KANK1: variants seen among roughly 807,000 people sequenced by gnomAD.
KANK1 encodes KN motif and ankyrin repeat domains 1, also known as KN motif and ankyrin repeat domain-containing protein 1.
A neutral mutation model predicts 106.2 loss-of-function variants in KANK1; 109 were observed. The observed-to-expected ratio is 1.03, with a 90% CI of 0.88 to 1.20. KANK1 has a LOEUF of 1.20. Ranked by LOEUF, KANK1 falls within the 50% of genes most tolerant of loss-of-function variation. KANK1 has a pLI of 0.00. For synonymous variants in KANK1, 873 were observed against 652.2 expected (o/e 1.34, Z -5.16); for missense variants, 2,399 against 1,710.7 (o/e 1.40, Z -7.10).
At chr9:653,237 G>A (rs998384604) in intron 1 of KANK1, among the ~76,000 whole-genome samples, 2 of 152,110 alleles carry the variant, frequency 1.3e-5, no homozygotes, top group East Asian at 1.9e-4. Flanking sequence ...GAGCATTTAA[G>A]TAACGTTCCC....
chr9:653,412 A>C (rs1280331345), intron 1 of KANK1, among the ~76,000 whole-genome samples: 2 of 152,094 alleles, frequency 1.3e-5, no homozygotes, highest in Non-Finnish European at 2.9e-5. Context: ...GTTTCCAGGT[A>C]AGAGAATTTT....
intron 1 of KANK1, among the ~76,000 whole-genome samples, chr9:656,222 G>T (rs981495274): frequency 1.3e-5 from 2 of 152,106 alleles, no homozygotes; most frequent in African/African-American, 4.8e-5. Context: ...GCCTTTCCCA[G>T]CGTGGTGGAG....
chr9:657,451 C>A (rs892427912), intron 1 of KANK1, among the ~76,000 whole-genome samples: 4 of 152,122 alleles, frequency 2.6e-5, no homozygotes, highest in African/African-American at 9.7e-5. Flanking sequence ...AACCTCTATA[C>A]TGTTTTCTGT....
chr9:651,918 A>G (rs1488569158), intron 1 of KANK1, among the ~76,000 whole-genome samples: 1 of 152,240 alleles, frequency 6.6e-6, no homozygotes, highest in African/African-American at 2.4e-5. Flanking sequence ...TGCTATATTA[A>G]AATTAATAGT....
intron 1 of KANK1, among the ~76,000 whole-genome samples, chr9:588,858 C>G (rs2135493188): frequency 6.6e-6 from 1 of 152,242 alleles, no homozygotes; most frequent in East Asian, 1.9e-4. Flanking sequence ...CAGTGCCTGA[C>G]TTTTGGTATG....
intron 2 of KANK1, among the ~76,000 whole-genome samples, chr9:705,435 A>G (rs113802598): frequency 0.027 from 4,133 of 152,140 alleles, 164 homozygotes; most frequent in African/African-American, 0.092. Flanking sequence ...GCAGTGAGCC[A>G]AGATGGCGCC....
chr9:723,157 T>C (rs1453424330), intron 3 of KANK1, among the ~76,000 whole-genome samples: 1 of 152,110 alleles, frequency 6.6e-6, no homozygotes, highest in Non-Finnish European at 1.5e-5. Context: ...CTGAACAGAA[T>C]GGACAGAGTG....
chr9:704,817 T>C (rs1823595660), intron 2 of KANK1, among the ~76,000 whole-genome samples: 1 of 151,614 alleles, frequency 6.6e-6, no homozygotes, highest in Admixed American at 6.6e-5. Flanking sequence ...CTCATCTCTA[T>C]TAAAAATAAT....
At chr9:602,126 T>C (rs992762268) in intron 1 of KANK1, among the ~76,000 whole-genome samples, 5 of 152,008 alleles carry the variant, frequency 3.3e-5, no homozygotes, top group African/African-American at 1.2e-4. Context: ...ATCAATGGAA[T>C]AGATTAACTT....
intron 2 of KANK1, chr9:693,775 G>A (rs866587890): frequency 1.0e-6 from 1 of 985,358 alleles, no homozygotes; most frequent in East Asian, 1.1e-4. Flanking sequence ...CAGTTATTTT[G>A]TTTCTGGGTG....
chr9:488,612 G>T (rs1408952692), intron 3 of KANK1, among the ~76,000 whole-genome samples: 1 of 152,092 alleles, frequency 6.6e-6, no homozygotes, highest in Non-Finnish European at 1.5e-5. Context: ...CATTCACAGG[G>T]TTACTGGGGG....
At chr9:617,264 C>A (rs1222037647) in intron 1 of KANK1, among the ~76,000 whole-genome samples, 1 of 152,128 alleles carries the variant, frequency 6.6e-6, no homozygotes, top group East Asian at 1.9e-4. Flanking sequence ...TCTACAACTT[C>A]ACTCGTTGCC....
intron 1 of KANK1, among the ~76,000 whole-genome samples, chr9:674,894 G>T (rs1260348632): frequency 6.6e-6 from 1 of 152,028 alleles, no homozygotes; most frequent in Non-Finnish European, 1.5e-5. Context: ...TAGTAGAGAA[G>T]AGGTTTTGCC....
In KANK1 at chr9:710,260, G is replaced by C. The variant is rs189547128; in HGVS notation, c.38-544G>C. Among the ~76,000 whole-genome samples the C allele has an allele frequency of 3.4e-3, 515 of 152,264 alleles. 8 individuals carry two copies. The highest frequency in any genetic ancestry group is 0.012 in the African/African-American group (499 of 41,556). On this transcript the variant is annotated intron_variant, in intron 2 of 11. Coordinates refer to ENST00000382297, the MANE Select transcript of KANK1 (RefSeq NM_015158.5). ...CTCATTACATTGTTTTTAAGCCTGT[G>C]AGTTAAATATTTGCATCTCCATTTT...
chr9:606,354 C>T (rs1829155572), intron 1 of KANK1, among the ~76,000 whole-genome samples: 1 of 147,136 alleles, frequency 6.8e-6, no homozygotes, highest in Non-Finnish European at 1.5e-5. Flanking sequence ...GTCAGGAATT[C>T]GAGACTAGCC....
intron 1 of KANK1, among the ~76,000 whole-genome samples, chr9:542,767 A>T (rs185127097): frequency 8.4e-4 from 128 of 152,334 alleles, no homozygotes; most frequent in Admixed American, 3.1e-3. Context: ...AGATGAACCT[A>T]TTCATAAATG....
At chr9:505,284 G>A (rs1564133557) in intron 1 of KANK1, among the ~76,000 whole-genome samples, 1 of 152,164 alleles carries the variant, frequency 6.6e-6, no homozygotes, top group Non-Finnish European at 1.5e-5. Flanking sequence ...CCCCAGAGGG[G>A]CAGGTGGCCT....
At chr9:524,237 C>G (rs553519359) in intron 1 of KANK1, among the ~76,000 whole-genome samples, 16 of 151,856 alleles carry the variant, frequency 1.1e-4, no homozygotes, top group African/African-American at 3.9e-4. Context: ...TGAAGTAATA[C>G]AACCCTTCCC....
intron 1 of KANK1, among the ~76,000 whole-genome samples, chr9:526,839 A>G (rs574020334): frequency 3.3e-5 from 5 of 151,790 alleles, no homozygotes; most frequent in Admixed American, 6.6e-5. Context: ...TTTAAATTCA[A>G]TTTTGGATAT....
Sources: gnomAD v4.1 joint callset for allele counts (sites outside exome capture counted in the v4.1 genomes callset) on GRCh38, gnomAD v4.1.1 for gene constraint, MANE v1.5 for transcripts, NCBI Gene and HGNC (gene_info 2026-07-23, HGNC 2026-07-21) for gene names.